The following KIAA1217 variants were observed in gnomAD, a reference collection of about 807,000 sequenced individuals.
The protein encoded by KIAA1217 is KIAA1217.
Under a neutral mutation model 163.9 loss-of-function variants are expected in KIAA1217, and 88 were observed. The observed-to-expected ratio is 0.54, with a 90% confidence interval of 0.45 to 0.64. The LOEUF (loss-of-function observed/expected upper bound fraction) is 0.64, where lower values mean the gene tolerates loss of function less well. KIAA1217 is among the 30% of genes least tolerant of loss of function. The pLI is 0.00. For synonymous variants in KIAA1217, 903 were observed against 923.1 expected (o/e 0.98, Z 0.39); for missense variants, 2,372 against 2,475.0 (o/e 0.96, Z 0.88).
intron 1 of KIAA1217, among the ~76,000 whole-genome samples, chr10:23,844,712 T>C (rs1838938334): frequency 1.3e-5 from 2 of 152,052 alleles, no homozygotes; most frequent in Non-Finnish European, 2.9e-5. Flanking sequence ...CTTTTCTTTT[T>C]TTTTTTAATT....
At chr10:23,722,486 G>T (rs1159045042) in intron 1 of KIAA1217, among the ~76,000 whole-genome samples, 2 of 152,124 alleles carry the variant, frequency 1.3e-5, no homozygotes, top group Non-Finnish European at 2.9e-5. Flanking sequence ...AACACTTAGT[G>T]TCTTGTTAGA....
At chr10:24,539,494 G>C (rs540535935) in intron 17 of KIAA1217, among the ~76,000 whole-genome samples, 1 of 151,952 alleles carries the variant, frequency 6.6e-6, no homozygotes, top group Non-Finnish European at 1.5e-5. Context: ...GACTCCCAAA[G>C]TGCTGGGATT....
chr10:24,468,727 T>A (rs2063196480), intron 5 of KIAA1217, among the ~76,000 whole-genome samples: 1 of 152,212 alleles, frequency 6.6e-6, no homozygotes, highest in Non-Finnish European at 1.5e-5. Context: ...CCATTCTGGT[T>A]GGTTGGTGTC....
intron 1 of KIAA1217, among the ~76,000 whole-genome samples, chr10:23,771,719 A>C (rs1834803576): frequency 6.6e-6 from 1 of 152,152 alleles, no homozygotes. Context: ...AAAGAACATG[A>C]GGGATTGCAT....
At chr10:23,988,919 G>A (rs1589194116) in intron 1 of KIAA1217, among the ~76,000 whole-genome samples, 1 of 152,276 alleles carries the variant, frequency 6.6e-6, no homozygotes, top group South Asian at 2.1e-4. Flanking sequence ...ATATGGAAAT[G>A]TTTTACACAG....
chr10:24,339,720 A>G (rs2046824697), intron 2 of KIAA1217, among the ~76,000 whole-genome samples: 1 of 152,224 alleles, frequency 6.6e-6, no homozygotes, highest in Admixed American at 6.5e-5. Flanking sequence ...GCACATTAAG[A>G]AAGTTCTGGG....
chr10:24,203,248 A>G (rs1247826224), intron 2 of KIAA1217, among the ~76,000 whole-genome samples: 2 of 152,076 alleles, frequency 1.3e-5, no homozygotes, highest in South Asian at 2.1e-4. Context: ...ATTTCCATCT[A>G]GCAAAATAAT....
chr10:23,944,477 A>G (rs1843925970), intron 1 of KIAA1217, among the ~76,000 whole-genome samples: 1 of 152,012 alleles, frequency 6.6e-6, no homozygotes, highest in Non-Finnish European at 1.5e-5. Context: ...TAAAAAAAAA[A>G]GCAACAAAAA....
intron 2 of KIAA1217, among the ~76,000 whole-genome samples, chr10:24,226,974 A>T (rs1339039211): frequency 6.6e-6 from 1 of 152,130 alleles, no homozygotes; most frequent in African/African-American, 2.4e-5. Context: ...ACTCCCAGTT[A>T]TTCACAGAAT....
intron 6 of KIAA1217, among the ~76,000 whole-genome samples, chr10:24,480,363 A>G (rs2064524190): frequency 6.6e-6 from 1 of 152,246 alleles, no homozygotes; most frequent in Admixed American, 6.5e-5. Flanking sequence ...CTCATTATTG[A>G]TAGAGCTTGC....
intron 1 of KIAA1217, among the ~76,000 whole-genome samples, chr10:23,870,025 A>G (rs977326363): frequency 2.0e-5 from 3 of 152,162 alleles, no homozygotes; most frequent in African/African-American, 7.2e-5. Flanking sequence ...TTTTTGGTTC[A>G]GAGTACATAC....
At chr10:24,011,484 CTTAAAATTAAATAAATAAAATTGTCTT>C (rs1847234831) in intron 2 of KIAA1217, among the ~76,000 whole-genome samples, 2 of 151,890 alleles carry the variant, frequency 1.3e-5, no homozygotes, top group African/African-American at 4.8e-5. Context: ...GAGATCTTGT[CTTAAAATTAAATAAATAAAATTGTCTT>C]TTTAAAAAAA....
intron 2 of KIAA1217, among the ~76,000 whole-genome samples, chr10:24,062,061 T>A (rs2060743810): frequency 6.6e-6 from 1 of 152,082 alleles, no homozygotes; most frequent in South Asian, 2.1e-4. Context: ...TGGCTTTGAC[T>A]TTACTGATTC....
chr10:24,395,827 A>G (rs1259843455), intron 3 of KIAA1217, among the ~76,000 whole-genome samples: 3 of 152,038 alleles, frequency 2.0e-5, no homozygotes, highest in Non-Finnish European at 4.4e-5. Flanking sequence ...TGTACTATCA[A>G]TTACACTTGG....
chr10:24,083,058 T>G (rs1299099363), intron 2 of KIAA1217, among the ~76,000 whole-genome samples: 1 of 152,240 alleles, frequency 6.6e-6, no homozygotes, highest in Non-Finnish European at 1.5e-5. Context: ...GATAAGTGGC[T>G]TTTCATATCC....
intron 1 of KIAA1217, among the ~76,000 whole-genome samples, chr10:23,771,737 A>G (rs1428038891): frequency 2.0e-5 from 3 of 152,210 alleles, no homozygotes; most frequent in Admixed American, 2.0e-4. Context: ...CATGTGTTTA[A>G]GGGTCAGTCT....
At chr10:24,180,706 C>G (rs1196990343) in intron 2 of KIAA1217, among the ~76,000 whole-genome samples, 1 of 152,214 alleles carries the variant, frequency 6.6e-6, no homozygotes, top group Non-Finnish European at 1.5e-5. Context: ...AGACACATAT[C>G]ATTGTCTGAG....
intron 1 of KIAA1217, among the ~76,000 whole-genome samples, chr10:23,984,033 A>T (rs1447191783): frequency 6.6e-6 from 1 of 152,260 alleles, no homozygotes; most frequent in Admixed American, 6.5e-5. Context: ...GGAGGTACAT[A>T]GCAGTCACTA....
intron 3 of KIAA1217, 42 bp downstream of exon 3, chr10:24,381,109 A>C (rs1488128536): frequency 7.7e-6 from 11 of 1,435,672 alleles, no homozygotes; most frequent in Non-Finnish European, 1.0e-5. Context: ...TTTCTTACTG[A>C]ATGCGTTTGT....
Sources: gnomAD v4.1 joint callset for allele counts (sites outside exome capture counted in the v4.1 genomes callset) on GRCh38, gnomAD v4.1.1 for gene constraint, MANE v1.5 for transcripts, NCBI Gene and HGNC (gene_info 2026-07-23, HGNC 2026-07-21) for gene names.